Variants in KCNMA1 observed in about 807,000 individuals in gnomAD.
The protein encoded by KCNMA1 is Calcium-activated potassium channel subunit alpha-1.
Under a neutral mutation model 140.0 loss-of-function variants are expected in KCNMA1, and 29 were observed. The ratio of observed to expected loss-of-function variants is 0.21; its 90% CI spans 0.15 to 0.28. The LOEUF is 0.28. Among genes scored for constraint, KCNMA1 ranks in the 10% least tolerant of loss-of-function variants. KCNMA1 has a pLI of 1.00. For missense variants in KCNMA1, 880 were observed against 1,602.2 expected (o/e 0.55, Z 7.70); for synonymous variants, 612 against 611.9 (o/e 1.00, Z 0.00).
chr10:77,289,932 T>A (rs1030334886), intron 2 of KCNMA1, among the ~76,000 whole-genome samples: 2 of 152,202 alleles, frequency 1.3e-5, no homozygotes, highest in Non-Finnish European at 2.9e-5. Context: ...GAGAAACCAG[T>A]TTCAAAAGGC....
At chr10:77,277,391 C>T (rs1488611978) in intron 2 of KCNMA1, among the ~76,000 whole-genome samples, 1 of 152,174 alleles carries the variant, frequency 6.6e-6, no homozygotes, top group Non-Finnish European at 1.5e-5. Flanking sequence ...ATTGAGGGCA[C>T]TGTCCAGCAA....
In KCNMA1 at chr10:76,887,173, C is replaced by T; in HGVS notation, c.*93G>A. 2 of 1,612,048 alleles carry T rather than the reference C, an allele frequency of 1.2e-6. No individual in the cohort carries two copies. The highest frequency in any genetic ancestry group is 1.7e-6 in the Non-Finnish European group (2 of 1,179,770). On this transcript the variant is annotated 3_prime_UTR_variant, in exon 28 of 28. Coordinates refer to ENST00000286628, the MANE Select transcript of KCNMA1 (RefSeq NM_001161352.2). The stretch of plus-strand genomic sequence containing the variant: ...TGTGTAAAAAAAAAGGGGGGGACTA[C>T]AGGGGAAAACAGGGAAAGTTACTTT...
intron 5 of KCNMA1, among the ~76,000 whole-genome samples, chr10:77,141,082 C>T (rs925661562): frequency 1.3e-5 from 2 of 152,108 alleles, no homozygotes; most frequent in African/African-American, 4.8e-5. Context: ...CCTGTCGTGG[C>T]CACCTCCCAC....
rs762760539 is a variant in KCNMA1 at position 77,637,316 on chromosome 10, C to G, written c.327G>C (p.Arg109=). The change falls in exon 1 of 28, where the codon CGG becomes CGC. Residue 109 remains arginine, a synonymous_variant. Coordinates refer to ENST00000286628, the MANE Select transcript of KCNMA1 (RefSeq NM_001161352.2). ...FGGLFIILLW[R]TLKYLWTVCC... Reference sequence around the variant, plus strand: ...ACACGGTCCACAGGTACTTGAGCGTCCGCCAGAGCAAGATGATGAAGAGGC... The same window carrying G: ...ACACGGTCCACAGGTACTTGAGCGTGCGCCAGAGCAAGATGATGAAGAGGC... 1 of 1,613,698 alleles carries G rather than the reference C, an allele frequency of 6.2e-7. No individual in the cohort carries two copies. The highest frequency in any genetic ancestry group is 8.5e-7 in the Non-Finnish European group (1 of 1,179,866).
intron 3 of KCNMA1, among the ~76,000 whole-genome samples, chr10:77,225,745 G>A (rs2051150776): frequency 6.6e-6 from 1 of 152,220 alleles, no homozygotes; most frequent in Admixed American, 6.5e-5. Flanking sequence ...GGAGCTAGCA[G>A]GCACCAAGGG....
chr10:77,359,723 G>T (rs1312429976), intron 2 of KCNMA1, among the ~76,000 whole-genome samples: 1 of 152,208 alleles, frequency 6.6e-6, no homozygotes, highest in African/African-American at 2.4e-5. Context: ...CACAGGGTGA[G>T]TGCCCACGGA....
chr10:77,044,177 T>C (rs1387575069), intron 14 of KCNMA1, among the ~76,000 whole-genome samples: 1 of 152,136 alleles, frequency 6.6e-6, no homozygotes, highest in Non-Finnish European at 1.5e-5. Flanking sequence ...TACATCATAG[T>C]GCATCACAAA....
At chr10:77,541,687 T>TA (rs1468943609) in intron 1 of KCNMA1, among the ~76,000 whole-genome samples, 1 of 152,018 alleles carries the variant, frequency 6.6e-6, no homozygotes, top group African/African-American at 2.4e-5. Flanking sequence ...CATGAGTCAC[T>TA]AAAAAAATAA....
intron 1 of KCNMA1, among the ~76,000 whole-genome samples, chr10:77,516,793 G>T (rs904681180): frequency 3.9e-5 from 6 of 152,176 alleles, no homozygotes; most frequent in Non-Finnish European, 8.8e-5. Flanking sequence ...GGCTAAAACG[G>T]GGGTGCCTGT....
intron 2 of KCNMA1, among the ~76,000 whole-genome samples, chr10:77,341,514 C>T (rs2090918763): frequency 6.6e-6 from 1 of 152,196 alleles, no homozygotes; most frequent in Non-Finnish European, 1.5e-5. Context: ...CAGCAATTTG[C>T]CTAATTTTCC....
chr10:77,279,487 G>A (rs962492311), intron 2 of KCNMA1, among the ~76,000 whole-genome samples: 5 of 152,136 alleles, frequency 3.3e-5, no homozygotes, highest in African/African-American at 1.2e-4. Context: ...ACTTTCATCA[G>A]GGAACCTCAA....
intron 5 of KCNMA1, among the ~76,000 whole-genome samples, chr10:77,122,094 G>C (rs965457211): frequency 2.6e-5 from 4 of 152,194 alleles, no homozygotes; most frequent in African/African-American, 7.2e-5. Flanking sequence ...TCCCACGCCC[G>C]TGAGCCAGTA....
chr10:77,130,744 C>G (rs150728337), intron 5 of KCNMA1, among the ~76,000 whole-genome samples: 4 of 151,922 alleles, frequency 2.6e-5, no homozygotes, highest in Non-Finnish European at 5.9e-5. Context: ...ACAGAACAGA[C>G]GAACACAAAA....
intron 1 of KCNMA1, among the ~76,000 whole-genome samples, chr10:77,520,156 T>C (rs1434652894): frequency 7.8e-3 from 6 of 768 alleles, no homozygotes; most frequent in African/African-American, 0.025. Flanking sequence ...GTGTGAGGTC[T>C]GGCATATGCA....
chr10:77,465,448 TA>T (rs2097973058), intron 1 of KCNMA1, among the ~76,000 whole-genome samples: 1 of 152,166 alleles, frequency 6.6e-6, no homozygotes, highest in Admixed American at 6.5e-5. Context: ...ATTACAGAAA[TA>T]CTCAGAGTTT....
intron 2 of KCNMA1, among the ~76,000 whole-genome samples, chr10:77,256,113 C>T (rs887690294): frequency 6.6e-6 from 1 of 152,062 alleles, no homozygotes; most frequent in East Asian, 1.9e-4. Flanking sequence ...TAGACTATTC[C>T]CCCTCAGGTG....
chr10:77,105,044 G>A (rs1376215334), intron 9 of KCNMA1, among the ~76,000 whole-genome samples: 2 of 152,184 alleles, frequency 1.3e-5, no homozygotes. Flanking sequence ...AACTCAGAGA[G>A]ATTACCTGCC....
intron 16 of KCNMA1, among the ~76,000 whole-genome samples, chr10:77,022,678 C>T (rs1212495789): frequency 1.3e-5 from 2 of 152,190 alleles, no homozygotes; most frequent in Non-Finnish European, 2.9e-5. Context: ...GCAACAGGCA[C>T]ATTTCAACTA....
chr10:77,602,352 G>C (rs1463575610), intron 1 of KCNMA1, among the ~76,000 whole-genome samples: 1 of 152,188 alleles, frequency 6.6e-6, no homozygotes, highest in Non-Finnish European at 1.5e-5. Context: ...GCCACAAGGG[G>C]CAAATCCGTA....
Sources: gnomAD v4.1 joint callset for allele counts (sites outside exome capture counted in the v4.1 genomes callset) on GRCh38, gnomAD v4.1.1 for gene constraint, MANE v1.5 for transcripts, NCBI Gene and HGNC (gene_info 2026-07-23, HGNC 2026-07-21) for gene names.